The following NRXN1 variants were observed in gnomAD, a reference collection of about 807,000 sequenced individuals.
NRXN1 encodes the protein neurexin-1.
NRXN1 carries 39 observed loss-of-function variants against 150.9 expected under a neutral mutation model. That is an observed-to-expected ratio of 0.26 (90% CI 0.20 to 0.34). The LOEUF is 0.34. Among genes scored for constraint, NRXN1 ranks in the 10% least tolerant of loss-of-function variants. The pLI, the probability that NRXN1 is intolerant of heterozygous loss-of-function variation, is 1.00. For missense variants in NRXN1, 1,815 were observed against 1,949.9 expected, an observed-to-expected ratio of 0.93 and a Z score of 1.30; for synonymous variants, 924 against 757.0, an observed-to-expected ratio of 1.22 and a Z score of -3.62.
At chr2:50,483,729 C>T (rs1381986765) in intron 15 of NRXN1, among the ~76,000 whole-genome samples, 1 of 152,152 alleles carries the variant, frequency 6.6e-6, no homozygotes, top group Non-Finnish European at 1.5e-5. Context: ...TTTTCTGATG[C>T]ACCACACTCT....
At chr2:50,555,203 C>A (rs931647934) in intron 8 of NRXN1, among the ~76,000 whole-genome samples, 1 of 151,982 alleles carries the variant, frequency 6.6e-6, no homozygotes, top group African/African-American at 2.4e-5. Flanking sequence ...ATTTTCAGAC[C>A]CAAATGATGC....
intron 22 of NRXN1, among the ~76,000 whole-genome samples, chr2:49,929,940 A>G (rs1669832650): frequency 1.3e-5 from 2 of 152,188 alleles, no homozygotes; most frequent in Non-Finnish European, 2.9e-5. Flanking sequence ...TGATGAAGGA[A>G]AACTGTAGGT....
chr2:50,617,341 C>A (rs1679224258), intron 8 of NRXN1, among the ~76,000 whole-genome samples: 1 of 151,706 alleles, frequency 6.6e-6, no homozygotes, highest in Non-Finnish European at 1.5e-5. Context: ...GAAGCTAAGG[C>A]AGGAGAATTG....
At chr2:50,651,629 C>T (rs999693635) in intron 5 of NRXN1, among the ~76,000 whole-genome samples, 1 of 151,912 alleles carries the variant, frequency 6.6e-6, no homozygotes, top group Non-Finnish European at 1.5e-5. Context: ...TGCACTCCGG[C>T]CTGAATGACA....
At chr2:50,135,265 C>A (rs555826055) in intron 18 of NRXN1, among the ~76,000 whole-genome samples, 4 of 152,304 alleles carry the variant, frequency 2.6e-5, no homozygotes, top group African/African-American at 9.6e-5. Flanking sequence ...GAAACACTTT[C>A]CACAAGTCAT....
At chr2:50,305,064 TG>T (rs1389159561) in intron 17 of NRXN1, among the ~76,000 whole-genome samples, 2 of 152,134 alleles carry the variant, frequency 1.3e-5, no homozygotes, top group Non-Finnish European at 2.9e-5. Flanking sequence ...CACTCCAGCC[TG>T]GGTGACAGAG....
chr2:50,822,294 C>T (rs981688304), intron 5 of NRXN1, among the ~76,000 whole-genome samples: 9 of 152,022 alleles, frequency 5.9e-5, no homozygotes, highest in Non-Finnish European at 1.0e-4. Context: ...AAAACAATTA[C>T]TAAACAAGAT....
At chr2:50,757,741 T>C (rs1448827571) in intron 5 of NRXN1, among the ~76,000 whole-genome samples, 3 of 151,694 alleles carry the variant, frequency 2.0e-5, no homozygotes, top group African/African-American at 7.2e-5. Flanking sequence ...CAGGAAAAAG[T>C]TGAGGGTTAC....
intron 5 of NRXN1, among the ~76,000 whole-genome samples, chr2:50,690,531 T>A (rs1458946997): frequency 6.6e-6 from 1 of 152,164 alleles, no homozygotes; most frequent in East Asian, 1.9e-4. Flanking sequence ...CATTTGCAAG[T>A]CTCTGGATTT....
intron 5 of NRXN1, chr2:50,917,306 T>A (rs1685351025): frequency 6.6e-6 from 1 of 151,696 alleles, no homozygotes; most frequent in Non-Finnish European, 1.5e-5. Context: ...AGAAGATACA[T>A]ATCATATTTT....
intron 18 of NRXN1, among the ~76,000 whole-genome samples, chr2:50,195,474 A>T (rs2061699811): frequency 1.3e-5 from 2 of 152,160 alleles, no homozygotes; most frequent in African/African-American, 2.4e-5. Context: ...TGTTGTGCAT[A>T]TTTATTATAA....
At chr2:50,362,967 C>T (rs1397796493) in intron 17 of NRXN1, among the ~76,000 whole-genome samples, 1 of 152,052 alleles carries the variant, frequency 6.6e-6, no homozygotes, top group South Asian at 2.1e-4. Context: ...CTTTAACAAA[C>T]CTGATGAAAA....
chr2:50,276,596 C>G (rs1258431782), intron 17 of NRXN1, among the ~76,000 whole-genome samples: 1 of 152,158 alleles, frequency 6.6e-6, no homozygotes, highest in Non-Finnish European at 1.5e-5. Flanking sequence ...GAGACCTCAG[C>G]TACATGATAG....
intron 18 of NRXN1, among the ~76,000 whole-genome samples, chr2:50,188,828 T>C (rs971756912): frequency 4.6e-5 from 7 of 152,148 alleles, no homozygotes; most frequent in African/African-American, 1.7e-4. Flanking sequence ...TACCATCTCA[T>C]GCCAGTCAGA....
chr2:50,544,962 C>G (rs550389321), intron 9 of NRXN1, among the ~76,000 whole-genome samples: 1 of 151,998 alleles, frequency 6.6e-6, no homozygotes, highest in Non-Finnish European at 1.5e-5. Context: ...TTTTGTTACA[C>G]AGTAATTGGT....
Position 50,465,606 on chromosome 2 carries a change from A to T in NRXN1, c.3245-45T>A, listed in dbSNP as rs373454919. On this transcript the variant is annotated intron_variant, in intron 16 of 22. Coordinates refer to ENST00000401669, the MANE Select transcript of NRXN1 (RefSeq NM_001330078.2). ...AAACTTGGGTTCTTTAAAAGAATCC[A>T]AAAGCATTTTATACATGAGCTAGAT... 1.4e-5 allele frequency: 21 copies of T among 1,548,148 alleles called. No individual in the cohort carries two copies. The African/African-American group carries it at 2.6e-4, about 19-fold the overall frequency.
intron 5 of NRXN1, among the ~76,000 whole-genome samples, chr2:50,692,953 C>T (rs1217213000): frequency 2.0e-5 from 3 of 152,134 alleles, no homozygotes; most frequent in African/African-American, 4.8e-5. Flanking sequence ...AGACACAACA[C>T]TTTAAGTGAA....
chr2:50,819,882 A>G (rs189443984), intron 5 of NRXN1, among the ~76,000 whole-genome samples: 1 of 152,066 alleles, frequency 6.6e-6, no homozygotes, highest in Non-Finnish European at 1.5e-5. Flanking sequence ...ACTTGAGCAG[A>G]CATCACTCAT....
chr2:50,627,644 T>A (rs1368828993), intron 5 of NRXN1, among the ~76,000 whole-genome samples: 1 of 138,650 alleles, frequency 7.2e-6, no homozygotes, highest in Non-Finnish European at 1.6e-5. Flanking sequence ...ACACGAGAGA[T>A]CCACTTATCT....
Sources: allele counts gnomAD v4.1 joint callset (sites outside exome capture counted in the v4.1 genomes callset), GRCh38; gene constraint gnomAD v4.1.1; transcripts MANE v1.5; gene names NCBI Gene and HGNC (gene_info 2026-07-23, HGNC 2026-07-21).